Variants in SLC44A5 observed in about 807,000 individuals in gnomAD.
SLC44A5 encodes the protein choline transporter-like protein 5.
A neutral mutation model predicts 101.8 loss-of-function variants in SLC44A5; 57 were observed. The observed-to-expected ratio is 0.56, with a 90% confidence interval of 0.45 to 0.70. The LOEUF is 0.70. Ranked by LOEUF, SLC44A5 falls within the 30% of genes least tolerant of loss-of-function variation. The pLI is 0.00. For synonymous variants in SLC44A5, 281 were observed against 290.9 expected (o/e 0.97, Z 0.35); for missense variants, 737 against 853.1 (o/e 0.86, Z 1.70).
At chr1:75,261,773 A>G (rs1650529976) in intron 6 of SLC44A5, among the ~76,000 whole-genome samples, 1 of 152,162 alleles carries the variant, frequency 6.6e-6, no homozygotes, top group Non-Finnish European at 1.5e-5. Context: ...TCAATAAAAT[A>G]CTGGCAAACT....
the SLC44A5 span, among the ~76,000 whole-genome samples, chr1:75,666,431 A>G: frequency 6.6e-6 from 1 of 152,210 alleles, no homozygotes; most frequent in East Asian, 1.9e-4. Flanking sequence ...ATGTTCTGAA[A>G]TTGAAGCAGT....
intron 9 of SLC44A5, among the ~76,000 whole-genome samples, chr1:75,241,560 T>C (rs1001046039): frequency 2.1e-4 from 32 of 151,978 alleles, no homozygotes; most frequent in African/African-American, 7.0e-4. Flanking sequence ...TTTAAAGAAA[T>C]AAAATATTGA....
chr1:75,570,584 C>T (rs1205044070), intron 1 of SLC44A5, among the ~76,000 whole-genome samples: 1 of 152,076 alleles, frequency 6.6e-6, no homozygotes, highest in Admixed American at 6.6e-5. Flanking sequence ...CCTATTTTTG[C>T]AGTTTTTGTG....
At chr1:75,551,752 G>A (rs1289893181) in intron 1 of SLC44A5, among the ~76,000 whole-genome samples, 4 of 151,998 alleles carry the variant, frequency 2.6e-5, no homozygotes, top group Admixed American at 2.0e-4. Flanking sequence ...CCACTCAGAC[G>A]TCACAATACA....
At chr1:75,307,785 C>T (rs1032887062) in intron 4 of SLC44A5, among the ~76,000 whole-genome samples, 13 of 152,150 alleles carry the variant, frequency 8.5e-5, no homozygotes, top group Non-Finnish European at 1.5e-5. Flanking sequence ...TGAGGTTATG[C>T]CGCACACCAT....
chr1:75,411,586 C>T (rs987016122), intron 2 of SLC44A5, among the ~76,000 whole-genome samples: 1 of 151,942 alleles, frequency 6.6e-6, no homozygotes, highest in Non-Finnish European at 1.5e-5. Flanking sequence ...TAGAGGGATT[C>T]TTTATTTCAC....
At chr1:75,490,764 A>G (rs1668383401) in intron 2 of SLC44A5, among the ~76,000 whole-genome samples, 1 of 152,238 alleles carries the variant, frequency 6.6e-6, no homozygotes, top group Admixed American at 6.5e-5. Flanking sequence ...CAGAATAGAA[A>G]GATTAATTCT....
intron 2 of SLC44A5, among the ~76,000 whole-genome samples, chr1:75,487,875 A>C (rs1668233663): frequency 6.6e-6 from 1 of 152,240 alleles, no homozygotes; most frequent in Admixed American, 6.5e-5. Context: ...GGTGAGCAGC[A>C]GGTGAGCCAG....
At chr1:75,219,371 C>T (rs781392525) in intron 15 of SLC44A5, 27 bp from the exon 16 acceptor site, 1 of 1,470,496 alleles carries the variant, frequency 6.8e-7, no homozygotes, top group Non-Finnish European at 9.5e-7. Context: ...AAGGATAAAC[C>T]ATTTGCTGGT....
chr1:75,597,006 C>G (rs112619474), intron 1 of SLC44A5, among the ~76,000 whole-genome samples: 1 of 151,886 alleles, frequency 6.6e-6, no homozygotes, highest in South Asian at 2.1e-4. Context: ...GGCAACATGG[C>G]AAACCCCTAT....
chr1:75,671,169 A>G, the SLC44A5 span, among the ~76,000 whole-genome samples: 1 of 152,124 alleles, frequency 6.6e-6, no homozygotes, highest in South Asian at 2.1e-4. Flanking sequence ...GAATTCCCCC[A>G]TTGCCTGGAA....
chr1:75,545,981 C>T (rs1671631003), intron 1 of SLC44A5, among the ~76,000 whole-genome samples: 1 of 151,922 alleles, frequency 6.6e-6, no homozygotes, highest in Admixed American at 6.6e-5. Context: ...GTGTGTGCCA[C>T]CACACCAAGC....
chr1:75,523,260 G>T (rs529707688), intron 2 of SLC44A5, among the ~76,000 whole-genome samples: 2 of 152,198 alleles, frequency 1.3e-5, no homozygotes, highest in South Asian at 4.2e-4. Context: ...TGACTCTGGG[G>T]ACAGACAAGC....
chr1:75,636,628 T>C, the SLC44A5 span, among the ~76,000 whole-genome samples: 2 of 152,238 alleles, frequency 1.3e-5, no homozygotes, highest in South Asian at 2.1e-4. Context: ...TTTGCTGATG[T>C]AGTTCTTGTT....
At chr1:75,570,808 C>G (rs1211719212) in intron 1 of SLC44A5, among the ~76,000 whole-genome samples, 1 of 152,146 alleles carries the variant, frequency 6.6e-6, no homozygotes, top group Non-Finnish European at 1.5e-5. Flanking sequence ...TGTGGGCTAT[C>G]TTCTCTGATC....
At chr1:75,664,903 A>G in the SLC44A5 span, among the ~76,000 whole-genome samples, 1 of 149,442 alleles carries the variant, frequency 6.7e-6, no homozygotes, top group African/African-American at 2.5e-5. Flanking sequence ...GCTGGGAGAC[A>G]GAGCAAGATT....
intron 2 of SLC44A5, among the ~76,000 whole-genome samples, chr1:75,508,307 A>G (rs1167165175): frequency 6.6e-6 from 1 of 152,212 alleles, no homozygotes; most frequent in Non-Finnish European, 1.5e-5. Flanking sequence ...GGAATAAATG[A>G]AAACAGAGAC....
intron 1 of SLC44A5, among the ~76,000 whole-genome samples, chr1:75,552,181 G>A (rs140438479): frequency 6.6e-6 from 1 of 152,066 alleles, no homozygotes; most frequent in Non-Finnish European, 1.5e-5. Flanking sequence ...CTACATGTCT[G>A]TGTCTCATTA....
At chr1:75,344,546 A>G (rs1658111387) in intron 3 of SLC44A5, among the ~76,000 whole-genome samples, 1 of 152,154 alleles carries the variant, frequency 6.6e-6, no homozygotes. Flanking sequence ...GGGTACTTCT[A>G]TAGGGAAAAG....
Sources: allele counts gnomAD v4.1 joint callset (sites outside exome capture counted in the v4.1 genomes callset), GRCh38; gene constraint gnomAD v4.1.1; transcripts MANE v1.5; gene names NCBI Gene and HGNC (gene_info 2026-07-23, HGNC 2026-07-21).